SETBP1: variants seen among roughly 807,000 people sequenced by gnomAD.
SETBP1 encodes SET-binding protein.
In SETBP1, 9 loss-of-function variants were observed where a neutral mutation model predicts 101.0. That is an observed-to-expected ratio of 0.09 (90% confidence interval 0.05 to 0.16). The LOEUF (loss-of-function observed/expected upper bound fraction) is 0.16. SETBP1 is among the 10% of genes least tolerant of loss of function. The probability of loss-of-function intolerance (pLI) is 1.00; values close to 1 mark genes in which losing one functional copy is unlikely to be tolerated. For missense variants in SETBP1, 1,858 were observed against 2,033.8 expected (o/e 0.91, Z 1.66); for synonymous variants, 818 against 788.5 (o/e 1.04, Z -0.63).
At chr18:44,712,953 CTTTTTTTT>C (rs11323504) in intron 2 of SETBP1, among the ~76,000 whole-genome samples, 5 of 64,928 alleles carry the variant, frequency 7.7e-5, no homozygotes, top group East Asian at 1.0e-3. Flanking sequence ...CAGCATCCCT[CTTTTTTTT>C]TTTTTTTTTT....
intron 5 of SETBP1, among the ~76,000 whole-genome samples, chr18:45,051,700 G>A (rs1156504262): frequency 1.3e-5 from 2 of 151,986 alleles, no homozygotes; most frequent in African/African-American, 2.4e-5. Context: ...CAATCTTAAC[G>A]TTCTTAACAT....
chr18:44,967,509 T>C (rs2071747137), intron 4 of SETBP1, among the ~76,000 whole-genome samples: 1 of 152,200 alleles, frequency 6.6e-6, no homozygotes, highest in Non-Finnish European at 1.5e-5. Flanking sequence ...TTTCACCACT[T>C]CTTATGTCAG....
intron 3 of SETBP1, among the ~76,000 whole-genome samples, chr18:44,874,148 T>C (rs1270042450): frequency 6.6e-6 from 1 of 152,242 alleles, no homozygotes; most frequent in African/African-American, 2.4e-5. Context: ...GTTATTTCAC[T>C]AATAAAAAAT....
chr18:44,923,991 G>A (rs1172935505), intron 3 of SETBP1, among the ~76,000 whole-genome samples: 2 of 152,108 alleles, frequency 1.3e-5, no homozygotes, highest in African/African-American at 2.4e-5. Context: ...GGCTGCCAGG[G>A]AGACCCACAC....
intron 3 of SETBP1, among the ~76,000 whole-genome samples, chr18:44,928,278 T>C (rs1018058257): frequency 2.6e-5 from 4 of 152,182 alleles, no homozygotes; most frequent in Non-Finnish European, 5.9e-5. Flanking sequence ...TTTATGGCTG[T>C]ATAGTATTCC....
At chr18:44,718,019 C>T (rs1335470521) in intron 2 of SETBP1, among the ~76,000 whole-genome samples, 1 of 152,162 alleles carries the variant, frequency 6.6e-6, no homozygotes, top group Non-Finnish European at 1.5e-5. Context: ...TACTAATGAA[C>T]TCAACTTTAC....
At chr18:44,892,631 G>T (rs1187175295) in intron 3 of SETBP1, among the ~76,000 whole-genome samples, 1 of 152,060 alleles carries the variant, frequency 6.6e-6, no homozygotes, top group East Asian at 1.9e-4. Context: ...GTATTTTGTG[G>T]CTGGACAGCT....
At chr18:44,945,830 T>C (rs1030277056) in intron 3 of SETBP1, among the ~76,000 whole-genome samples, 3 of 152,106 alleles carry the variant, frequency 2.0e-5, no homozygotes, top group African/African-American at 7.2e-5. Context: ...CATAGGTTAA[T>C]AAAGACCTGA....
At chr18:44,790,263 A>G (rs972372611) in intron 2 of SETBP1, among the ~76,000 whole-genome samples, 4 of 152,104 alleles carry the variant, frequency 2.6e-5, no homozygotes, top group African/African-American at 7.2e-5. Flanking sequence ...ACCAAATCAA[A>G]CTGTTCGTCA....
intron 4 of SETBP1, among the ~76,000 whole-genome samples, chr18:45,028,092 T>G (rs540860130): frequency 2.0e-5 from 3 of 152,212 alleles, no homozygotes; most frequent in Non-Finnish European, 4.4e-5. Flanking sequence ...ACGTGTGCCA[T>G]GCTGGCGTGC....
intron 2 of SETBP1, among the ~76,000 whole-genome samples, chr18:44,769,749 G>A (rs1483771993): frequency 6.6e-6 from 1 of 152,210 alleles, no homozygotes; most frequent in African/African-American, 2.4e-5. Context: ...AGAAGTTCAT[G>A]AAGTGCCACC....
intron 2 of SETBP1, among the ~76,000 whole-genome samples, chr18:44,764,529 G>A (rs1047593607): frequency 3.3e-5 from 5 of 152,074 alleles, no homozygotes; most frequent in African/African-American, 9.7e-5. Context: ...CTGGAGTGCA[G>A]TGGTGCGATC....
At chr18:45,016,741 A>G (rs912907643) in intron 4 of SETBP1, among the ~76,000 whole-genome samples, 1,827 of 145,182 alleles carry the variant, frequency 0.013, 33 homozygotes, top group African/African-American at 0.044. Flanking sequence ...GCACACACAC[A>G]CACACACACA....
intron 3 of SETBP1, among the ~76,000 whole-genome samples, chr18:44,947,317 A>T (rs1489693503): frequency 6.6e-6 from 1 of 152,020 alleles, no homozygotes; most frequent in Non-Finnish European, 1.5e-5. Flanking sequence ...GGAACAGCAG[A>T]GAAAAAAACG....
chr18:44,771,817 T>A (rs2070881151), intron 2 of SETBP1, among the ~76,000 whole-genome samples: 1 of 152,186 alleles, frequency 6.6e-6, no homozygotes, highest in South Asian at 2.1e-4. Context: ...GAACAGAGGC[T>A]GGCTGGGAAG....
chr18:44,781,987 C>A (rs1411529433), intron 2 of SETBP1, among the ~76,000 whole-genome samples: 1 of 152,188 alleles, frequency 6.6e-6, no homozygotes, highest in African/African-American at 2.4e-5. Context: ...ATAAAATGTC[C>A]TTTGCTAGAA....
intron 2 of SETBP1, among the ~76,000 whole-genome samples, chr18:44,764,867 C>T (rs2070733364): frequency 6.6e-6 from 1 of 152,190 alleles, no homozygotes; most frequent in African/African-American, 2.4e-5. Flanking sequence ...CCATGCTGTG[C>T]TAGAGTGGAA....
In SETBP1 at chr18:44,777,027, T is replaced by G. The variant is rs573513104; in HGVS notation, c.486+75195T>G. ...AGAGGCCAAAATGTGGGCAATAAAA[T>G]AAGGTAGGCCAGGTGTGGTGGCTCA... On this transcript the variant is annotated intron_variant, in intron 2 of 5. Transcript: ENST00000649279. Among the ~76,000 whole-genome samples, 10 of 152,226 alleles carry G rather than the reference T, an allele frequency of 6.6e-5. No individual in the cohort carries two copies. The South Asian group carries it at 2.1e-3, about 32-fold the overall frequency.
chr18:45,016,573 C>A (rs1161272159), intron 4 of SETBP1, among the ~76,000 whole-genome samples: 3 of 152,102 alleles, frequency 2.0e-5, no homozygotes, highest in African/African-American at 4.8e-5. Context: ...ATGATTCACA[C>A]GTTTTCAGAT....
Sources: gnomAD v4.1 joint callset for allele counts (sites outside exome capture counted in the v4.1 genomes callset) on GRCh38, gnomAD v4.1.1 for gene constraint, MANE v1.5 for transcripts, NCBI Gene and HGNC (gene_info 2026-07-23, HGNC 2026-07-21) for gene names.